HDAC9: variants seen among roughly 807,000 people sequenced by gnomAD.
The protein encoded by HDAC9 is MEF-2 interacting transcription repressor (MITR) protein.
HDAC9 carries 41 observed loss-of-function variants against 139.4 expected under a neutral mutation model. The ratio of observed to expected loss-of-function variants is 0.29; its 90% CI spans 0.23 to 0.38. The LOEUF (loss-of-function observed/expected upper bound fraction) is 0.38, where lower values mean the gene tolerates loss of function less well. Ranked by LOEUF, HDAC9 falls within the 10% of genes least tolerant of loss-of-function variation. HDAC9 has a pLI of 1.00. For synonymous variants in HDAC9, 517 were observed against 476.2 expected (o/e 1.09, Z -1.12); for missense variants, 1,147 against 1,297.0 (o/e 0.88, Z 1.78).
At chr7:18,702,891 G>A (rs926448224) in intron 12 of HDAC9, among the ~76,000 whole-genome samples, 7 of 152,130 alleles carry the variant, frequency 4.6e-5, no homozygotes, top group Admixed American at 4.6e-4. Context: ...TGCCTCAAGA[G>A]TAAAAAAGAG....
chr7:18,773,364 T>TAC (rs4043674), intron 16 of HDAC9, among the ~76,000 whole-genome samples: 6,114 of 142,688 alleles, frequency 0.043, 145 homozygotes, highest in Middle Eastern at 0.11. Context: ...AAAAACTGTA[T>TAC]ACACACACAC....
intron 1 of HDAC9, among the ~76,000 whole-genome samples, chr7:18,091,579 T>A (rs1387538342): frequency 2.0e-5 from 3 of 152,248 alleles, no homozygotes; most frequent in Non-Finnish European, 4.4e-5. Context: ...ATATTGACTT[T>A]GTTTTCTCTT....
intron 2 of HDAC9, among the ~76,000 whole-genome samples, chr7:18,559,580 C>T (rs1819946622): frequency 6.6e-6 from 1 of 152,066 alleles, no homozygotes; most frequent in African/African-American, 2.4e-5. Context: ...CTCTTTTTTC[C>T]ATCTCTTTGA....
At chr7:18,163,691 A>G (rs556048832) in intron 2 of HDAC9, among the ~76,000 whole-genome samples, 1 of 152,246 alleles carries the variant, frequency 6.6e-6, no homozygotes, top group Admixed American at 6.5e-5. Context: ...ATAGTCTAGT[A>G]CTATTATTCT....
intron 16 of HDAC9, among the ~76,000 whole-genome samples, chr7:18,770,913 A>G (rs1219480712): frequency 6.6e-6 from 1 of 152,158 alleles, no homozygotes; most frequent in Non-Finnish European, 1.5e-5. Context: ...ATGATTTTAT[A>G]TAAGTTTGGG....
At chr7:18,617,705 G>T (rs1248762793) in intron 6 of HDAC9, among the ~76,000 whole-genome samples, 2 of 152,098 alleles carry the variant, frequency 1.3e-5, no homozygotes, top group Non-Finnish European at 2.9e-5. Context: ...AATCCTTGAG[G>T]ACAGTATCTT....
intron 2 of HDAC9, among the ~76,000 whole-genome samples, chr7:18,221,522 T>C (rs2128175928): frequency 6.6e-6 from 1 of 152,280 alleles, no homozygotes; most frequent in African/African-American, 2.4e-5. Context: ...ATTTAGTCTT[T>C]ACAGTATCCT....
At chr7:18,411,168 G>A (rs986702609) in intron 1 of HDAC9, among the ~76,000 whole-genome samples, 1 of 152,120 alleles carries the variant, frequency 6.6e-6, no homozygotes, top group Non-Finnish European at 1.5e-5. Context: ...TTACCTTAGG[G>A]AAAGCTGCAA....
At chr7:18,174,165 G>T (rs1463805645) in intron 2 of HDAC9, among the ~76,000 whole-genome samples, 1 of 151,848 alleles carries the variant, frequency 6.6e-6, no homozygotes, top group Non-Finnish European at 1.5e-5. Context: ...CTTTTTTTCT[G>T]TAAATTTGTC....
intron 14 of HDAC9, among the ~76,000 whole-genome samples, chr7:18,758,176 C>T (rs758300798): frequency 6.6e-6 from 1 of 152,146 alleles, no homozygotes; most frequent in Admixed American, 6.5e-5. Flanking sequence ...GCATTTAAGA[C>T]CCGTATTGAC....
chr7:18,380,655 A>G (rs1484596860), intron 1 of HDAC9, among the ~76,000 whole-genome samples: 1 of 152,218 alleles, frequency 6.6e-6, no homozygotes, highest in Non-Finnish European at 1.5e-5. Flanking sequence ...AGGGAGGCCA[A>G]ATACTTGCAA....
intron 2 of HDAC9, among the ~76,000 whole-genome samples, chr7:18,526,601 C>A (rs905594933): frequency 2.6e-5 from 4 of 152,214 alleles, no homozygotes; most frequent in African/African-American, 9.6e-5. Flanking sequence ...ATTAAAGTTG[C>A]CTTTGGCTGC....
intron 2 of HDAC9, among the ~76,000 whole-genome samples, chr7:18,274,791 A>T (rs1796610486): frequency 6.6e-6 from 1 of 152,256 alleles, no homozygotes; most frequent in African/African-American, 2.4e-5. Context: ...ATTTATATAA[A>T]GCTGAAACTA....
rs184633920 is a variant in HDAC9, at chr7:18,780,316, C to A, written c.2215-13029C>A. 6.0e-4 allele frequency among the ~76,000 whole-genome samples: 91 copies of A among 152,024 alleles called. 1 individual carries two copies. The highest frequency in any genetic ancestry group is 2.1e-3 in the African/African-American group (86 of 41,406). On this transcript the variant is annotated intron_variant, in intron 16 of 25. Transcript: ENST00000686413. ...TATCCAAATTTAAAACAGCTTTTTACAAAATTCATTTTTCTTGAGAGATCA... is the reference window on the plus strand; with the variant it reads ...TATCCAAATTTAAAACAGCTTTTTAAAAAATTCATTTTTCTTGAGAGATCA...
chr7:18,610,318 T>G (rs2128906211), intron 6 of HDAC9, among the ~76,000 whole-genome samples: 1 of 152,306 alleles, frequency 6.6e-6, no homozygotes, highest in South Asian at 2.1e-4. Context: ...TTCAGTGTAT[T>G]TAAACTTTGT....
chr7:18,579,395 T>TTTGGTTGAATA (rs1318052582), intron 2 of HDAC9, among the ~76,000 whole-genome samples: 2 of 152,152 alleles, frequency 1.3e-5, no homozygotes, highest in African/African-American at 4.8e-5. Context: ...TAAATACATA[T>TTTGGTTGAATA]TTGGTTGAAT....
intron 1 of HDAC9, among the ~76,000 whole-genome samples, chr7:18,119,679 C>T (rs1784239278): frequency 6.6e-6 from 1 of 152,162 alleles, no homozygotes. Context: ...TTTGGATTTT[C>T]CCAATATACC....
At chr7:18,637,339 A>C in intron 8 of HDAC9, among the ~76,000 whole-genome samples, 1 of 152,118 alleles carries the variant, frequency 6.6e-6, no homozygotes, top group African/African-American at 2.4e-5. Context: ...ACAACCAGTA[A>C]GTATACATCA....
chr7:18,352,087 G>C (rs1562906388), intron 1 of HDAC9, among the ~76,000 whole-genome samples: 1 of 152,186 alleles, frequency 6.6e-6, no homozygotes, highest in African/African-American at 2.4e-5. Context: ...TCAGTTAAGT[G>C]ATGACAACAT....
Sources: gnomAD v4.1 joint callset for allele counts (sites outside exome capture counted in the v4.1 genomes callset) on GRCh38, gnomAD v4.1.1 for gene constraint, MANE v1.5 for transcripts, NCBI Gene and HGNC (gene_info 2026-07-23, HGNC 2026-07-21) for gene names.